The following BLTP1 variants were observed in gnomAD, a reference collection of about 807,000 sequenced individuals.
BLTP1 encodes fragile site-associated protein.
chr4:122,231,836 A>G, the BLTP1 span: 23 of 968,456 alleles, frequency 2.4e-5, no homozygotes, highest in Admixed American at 1.3e-3. Context: ...CCTGGGGTCC[A>G]TTTTTCTGGT....
chr4:122,316,671 T>C, the BLTP1 span: 2 of 1,565,126 alleles, frequency 1.3e-6, no homozygotes, highest in Admixed American at 3.7e-5. Context: ...AATTTTGTGA[T>C]AGTATAGATT....
At chr4:122,166,679 C>T in the BLTP1 span, among the ~76,000 whole-genome samples, 6 of 152,264 alleles carry the variant, frequency 3.9e-5, no homozygotes, top group Admixed American at 6.5e-5. Flanking sequence ...TGGCCATTTT[C>T]ACGATACTGA....
At chr4:122,292,119 C>T in the BLTP1 span, among the ~76,000 whole-genome samples, 7 of 152,040 alleles carry the variant, frequency 4.6e-5, no homozygotes, top group Admixed American at 2.6e-4. Context: ...TACAGGCATG[C>T]ACCACCACAC....
the BLTP1 span, chr4:122,249,458 G>A: frequency 6.2e-7 from 1 of 1,605,606 alleles, no homozygotes; most frequent in Non-Finnish European, 8.5e-7. Context: ...CTTTAAAAAT[G>A]GTCATTTTGC....
At chr4:122,340,868 T>C in the BLTP1 span, 2 of 899,606 alleles carry the variant, frequency 2.2e-6, no homozygotes, top group Non-Finnish European at 2.7e-6. Context: ...AAAATGAGAA[T>C]ATCCCTTTAT....
chr4:122,276,994 C>T, the BLTP1 span: 1 of 983,170 alleles, frequency 1.0e-6, no homozygotes, highest in Non-Finnish European at 1.2e-6. Flanking sequence ...GTAAACTGGC[C>T]TGTAATTAAT....
chr4:122,170,943 A>G, the BLTP1 span, among the ~76,000 whole-genome samples: 3 of 152,184 alleles, frequency 2.0e-5, no homozygotes, highest in Non-Finnish European at 2.9e-5. Context: ...CTTAGGCTGC[A>G]TTCTCATCTG....
chr4:122,246,278 A>G, the BLTP1 span: 1 of 1,593,404 alleles, frequency 6.3e-7, no homozygotes. Flanking sequence ...AGGTCTTCAG[A>G]CTAATGTTAG....
chr4:122,154,245 G>C, the BLTP1 span: 26 of 868,182 alleles, frequency 3.0e-5, no homozygotes, highest in Non-Finnish European at 6.7e-6. Flanking sequence ...GTGCGATCTT[G>C]GCTCACTGCA....
chr4:122,351,496 T>G, the BLTP1 span, among the ~76,000 whole-genome samples: 1 of 152,340 alleles, frequency 6.6e-6, no homozygotes, highest in Admixed American at 6.5e-5. Context: ...AAAAATGTCC[T>G]CTATAATGGT....
chr4:122,167,156 A>G, the BLTP1 span, among the ~76,000 whole-genome samples: 2 of 152,204 alleles, frequency 1.3e-5, no homozygotes, highest in Non-Finnish European at 1.5e-5. Context: ...ATATGCCTGC[A>G]CATATACGGT....
At chr4:122,352,514 C>T in the BLTP1 span, among the ~76,000 whole-genome samples, 8 of 151,866 alleles carry the variant, frequency 5.3e-5, no homozygotes, top group African/African-American at 1.5e-4. Flanking sequence ...CGTGCTCCAC[C>T]GCACCCAGCT....
chr4:122,172,252 G>T, the BLTP1 span: 5 of 663,612 alleles, frequency 7.5e-6, no homozygotes, highest in African/African-American at 2.0e-5. Context: ...GTTACTAAAG[G>T]GTTATACAGG....
chr4:122,281,565 C>A, the BLTP1 span: 1 of 1,607,618 alleles, frequency 6.2e-7, no homozygotes, highest in Non-Finnish European at 8.5e-7. Context: ...GATATTGCAA[C>A]CCCACTACCT....
At chr4:122,212,696 A>G in the BLTP1 span, among the ~76,000 whole-genome samples, 1 of 152,292 alleles carries the variant, frequency 6.6e-6, no homozygotes. Context: ...AAATAAATAT[A>G]TGCTTTCATT....
At chr4:122,196,822 G>T in the BLTP1 span, 4 of 1,218,118 alleles carry the variant, frequency 3.3e-6, no homozygotes. Context: ...GTAGAAAATA[G>T]TATTTAAAAT....
chr4:122,222,936 T>TA, the BLTP1 span: 1 of 925,042 alleles, frequency 1.1e-6, no homozygotes, highest in Non-Finnish European at 1.3e-6. Flanking sequence ...TCATGTAGGC[T>TA]ATACCTTAGG....
At chr4:122,314,057 T>C in the BLTP1 span, 2 of 968,542 alleles carry the variant, frequency 2.1e-6, no homozygotes, top group Admixed American at 6.2e-5. Context: ...TTGAAATGTA[T>C]AAAAAGAAGA....
At chr4:122,313,791 A>T in the BLTP1 span, 3 of 637,068 alleles carry the variant, frequency 4.7e-6, no homozygotes, top group African/African-American at 5.8e-5. Flanking sequence ...CACTAATTTA[A>T]AAAAAAACTA....
Sources: allele counts gnomAD v4.1 joint callset (sites outside exome capture counted in the v4.1 genomes callset), GRCh38; gene constraint gnomAD v4.1.1; transcripts MANE v1.5; gene names NCBI Gene and HGNC (gene_info 2026-07-23, HGNC 2026-07-21).